Variants in CAST observed in about 807,000 individuals in gnomAD.
The protein encoded by CAST is MIR583 host.
In CAST, 76 loss-of-function variants were observed where a neutral mutation model predicts 119.6. That is an observed-to-expected ratio of 0.64 (90% CI 0.53 to 0.77). CAST has a LOEUF of 0.77. CAST is among the 30% of genes least tolerant of loss of function. The pLI, the probability that CAST is intolerant of heterozygous loss-of-function variation, is 0.00. For missense variants in CAST, 953 were observed against 946.5 expected (o/e 1.01, Z -0.09); for synonymous variants, 319 against 331.6 (o/e 0.96, Z 0.41).
At chr5:96,253,887 T>C in the CAST span, among the ~76,000 whole-genome samples, 1 of 152,042 alleles carries the variant, frequency 6.6e-6, no homozygotes, top group South Asian at 2.1e-4. Flanking sequence ...CCTACTTTGG[T>C]ACATACCTTA....
the CAST span, among the ~76,000 whole-genome samples, chr5:96,165,947 AT>A: frequency 0.31 from 47,784 of 152,244 alleles, 7,740 homozygotes; most frequent in Middle Eastern, 0.39. Context: ...ATTTACATTA[AT>A]TATTTTTCAT....
chr5:96,657,072 A>T (rs1439930332), intron 1 of CAST, among the ~76,000 whole-genome samples: 2 of 152,218 alleles, frequency 1.3e-5, no homozygotes, highest in Non-Finnish European at 2.9e-5. Context: ...CCTGACACCA[A>T]TAAATATGTA....
the CAST span, among the ~76,000 whole-genome samples, chr5:96,354,199 C>T: frequency 3.3e-5 from 5 of 152,170 alleles, no homozygotes; most frequent in African/African-American, 1.2e-4. Context: ...GCTCATTTTC[C>T]CCTTCCCAAT....
the CAST span, among the ~76,000 whole-genome samples, chr5:96,486,786 A>G: frequency 6.6e-6 from 1 of 152,124 alleles, no homozygotes; most frequent in Non-Finnish European, 1.5e-5. Context: ...CTGCTCCTTG[A>G]TTCTTCTCCA....
chr5:96,545,090 G>A (rs1745986305), intron 1 of CAST: 2 of 152,112 alleles, frequency 1.3e-5, no homozygotes, highest in African/African-American at 4.8e-5. Context: ...AAGTAAGCTG[G>A]GGCAACTGTA....
At chr5:96,586,325 G>A (rs575651430) in intron 1 of CAST, among the ~76,000 whole-genome samples, 16 of 152,272 alleles carry the variant, frequency 1.1e-4, no homozygotes, top group African/African-American at 3.6e-4. Context: ...TTTAAATGGG[G>A]TTTTAAAGGT....
chr5:96,404,965 T>C, the CAST span, among the ~76,000 whole-genome samples: 7 of 152,222 alleles, frequency 4.6e-5, no homozygotes, highest in Non-Finnish European at 2.9e-5. Flanking sequence ...AGGCAAGGGC[T>C]CTTCAGTCTC....
the CAST span, among the ~76,000 whole-genome samples, chr5:96,516,421 G>T: frequency 1.3e-5 from 2 of 152,196 alleles, no homozygotes; most frequent in African/African-American, 4.8e-5. Context: ...TGGCATGTTG[G>T]TTTTTTAATT....
chr5:95,961,467 G>T, the CAST span: 2 of 1,297,902 alleles, frequency 1.5e-6, no homozygotes, highest in South Asian at 4.2e-5. Context: ...GGGCGCTGAC[G>T]GTAGCAGCTG....
intron 1 of CAST, among the ~76,000 whole-genome samples, chr5:96,620,419 C>T (rs1437490099): frequency 2.6e-5 from 4 of 151,814 alleles, no homozygotes; most frequent in African/African-American, 9.7e-5. Context: ...TAGCAGTATG[C>T]TTCATGATCT....
the CAST span, among the ~76,000 whole-genome samples, chr5:96,315,426 A>C: frequency 1.3e-5 from 2 of 152,174 alleles, no homozygotes; most frequent in African/African-American, 4.8e-5. Context: ...TGTATAGTGA[A>C]CAATGTGAGG....
chr5:96,125,655 A>G, the CAST span, among the ~76,000 whole-genome samples: 2 of 152,190 alleles, frequency 1.3e-5, no homozygotes, highest in African/African-American at 4.8e-5. Context: ...TTGTAAACTT[A>G]AAATGGTACA....
At chr5:95,999,488 C>T in the CAST span, among the ~76,000 whole-genome samples, 2 of 151,992 alleles carry the variant, frequency 1.3e-5, no homozygotes, top group Non-Finnish European at 2.9e-5. Flanking sequence ...TAGCTGGGAC[C>T]ACAGGCACCG....
At chr5:96,660,187 G>A (rs1748236146), upstream of CAST, among the ~76,000 whole-genome samples, 1 of 152,000 alleles carries the variant, frequency 6.6e-6, no homozygotes, top group Non-Finnish European at 1.5e-5. Flanking sequence ...ATCTCGTCAG[G>A]TGCCCCCACC....
chr5:96,135,795 A>C, the CAST span, among the ~76,000 whole-genome samples: 2 of 152,084 alleles, frequency 1.3e-5, no homozygotes, highest in African/African-American at 4.8e-5. Context: ...ATAGTGGCTC[A>C]TGCCTGTAAT....
chr5:96,415,213 C>G, the CAST span, among the ~76,000 whole-genome samples: 1 of 152,172 alleles, frequency 6.6e-6, no homozygotes, highest in Admixed American at 6.5e-5. Flanking sequence ...GCTCTGTCTT[C>G]CCATTGGGTT....
At chr5:96,019,079 C>A in the CAST span, among the ~76,000 whole-genome samples, 1,367 of 152,158 alleles carry the variant, frequency 9.0e-3, 4 homozygotes, top group Non-Finnish European at 0.014. Flanking sequence ...ACCAAGGTAA[C>A]AAATCAAGAT....
At chr5:96,185,314 T>G in the CAST span, among the ~76,000 whole-genome samples, 2 of 152,240 alleles carry the variant, frequency 1.3e-5, no homozygotes, top group African/African-American at 4.8e-5. Flanking sequence ...TTCACTTTCA[T>G]GATAGTTTAT....
chr5:96,733,792 G>T (rs1271921885), intron 9 of CAST, among the ~76,000 whole-genome samples: 5 of 152,180 alleles, frequency 3.3e-5, no homozygotes, highest in African/African-American at 1.2e-4. Context: ...CAGGAGAATT[G>T]CTTGAACCCG....
Sources: gnomAD v4.1 joint callset for allele counts (sites outside exome capture counted in the v4.1 genomes callset) on GRCh38, gnomAD v4.1.1 for gene constraint, MANE v1.5 for transcripts, NCBI Gene and HGNC (gene_info 2026-07-23, HGNC 2026-07-21) for gene names.